Variants in ADCY8 observed in about 807,000 individuals in gnomAD.
The protein encoded by ADCY8 is adenylate cyclase 8.
In ADCY8, 51 loss-of-function variants were observed where a neutral mutation model predicts 119.7. The observed-to-expected ratio is 0.43, with a 90% confidence interval of 0.34 to 0.54. ADCY8 has a LOEUF of 0.54. Ranked by LOEUF, ADCY8 falls within the 20% of genes least tolerant of loss-of-function variation. The probability of loss-of-function intolerance (pLI) is 0.03; values close to 1 mark genes in which losing one functional copy is unlikely to be tolerated. For synonymous variants in ADCY8, 665 were observed against 651.0 expected (o/e 1.02, Z -0.33); for missense variants, 1,383 against 1,598.8 (o/e 0.87, Z 2.30).
chr8:131,035,918 A>G (rs921737995), intron 1 of ADCY8, among the ~76,000 whole-genome samples: 1 of 152,200 alleles, frequency 6.6e-6, no homozygotes, highest in Non-Finnish European at 1.5e-5. Flanking sequence ...ATGATGAGCT[A>G]GCTACAATGA....
At chr8:130,841,398 T>C (rs1817137562) in intron 11 of ADCY8, among the ~76,000 whole-genome samples, 2 of 152,186 alleles carry the variant, frequency 1.3e-5, no homozygotes, top group Admixed American at 1.3e-4. Flanking sequence ...TCAATGTCTG[T>C]ACTGAAAAAA....
intron 14 of ADCY8, among the ~76,000 whole-genome samples, chr8:130,810,077 T>C (rs966037142): frequency 6.6e-6 from 1 of 152,194 alleles, no homozygotes; most frequent in East Asian, 1.9e-4. Flanking sequence ...CACTGCCACC[T>C]CAGGGATACA....
chr8:130,916,762 C>T (rs899355354), intron 5 of ADCY8, among the ~76,000 whole-genome samples: 1 of 152,234 alleles, frequency 6.6e-6, no homozygotes, highest in East Asian at 1.9e-4. Flanking sequence ...CCCATCCCTT[C>T]GTTTCCCTCA....
intron 13 of ADCY8, among the ~76,000 whole-genome samples, chr8:130,814,518 G>A (rs1225790913): frequency 6.6e-6 from 1 of 152,186 alleles, no homozygotes; most frequent in Non-Finnish European, 1.5e-5. Flanking sequence ...TGTCAGTGTT[G>A]TATGGTGTAT....
At chr8:130,881,325 T>C (rs971277701) in intron 8 of ADCY8, among the ~76,000 whole-genome samples, 3 of 152,184 alleles carry the variant, frequency 2.0e-5, no homozygotes, top group Non-Finnish European at 2.9e-5. Context: ...CGCCAATTAT[T>C]ATAGGCAAAC....
chr8:130,934,430 T>C (rs535589742), intron 5 of ADCY8, among the ~76,000 whole-genome samples: 11 of 152,132 alleles, frequency 7.2e-5, no homozygotes, highest in African/African-American at 2.7e-4. Flanking sequence ...GAGAACTCAC[T>C]CACTATCATG....
chr8:130,907,177 C>T (rs937102946), intron 6 of ADCY8, among the ~76,000 whole-genome samples: 1 of 152,044 alleles, frequency 6.6e-6, no homozygotes, highest in Non-Finnish European at 1.5e-5. Flanking sequence ...GCCAGCAGTT[C>T]CTACCAGGAA....
chr8:130,997,280 C>T (rs940488157), intron 1 of ADCY8, among the ~76,000 whole-genome samples: 5 of 151,702 alleles, frequency 3.3e-5, no homozygotes, highest in Non-Finnish European at 4.4e-5. Flanking sequence ...AAAATAAGTA[C>T]GTAAGTCTGC....
chr8:130,932,807 T>C (rs1820671575), intron 5 of ADCY8, among the ~76,000 whole-genome samples: 1 of 152,040 alleles, frequency 6.6e-6, no homozygotes, highest in Non-Finnish European at 1.5e-5. Flanking sequence ...TGGACGACCC[T>C]GGCCTTTCGT....
intron 6 of ADCY8, among the ~76,000 whole-genome samples, chr8:130,907,441 C>A (rs553914086): frequency 1.3e-5 from 2 of 152,304 alleles, no homozygotes; most frequent in Admixed American, 1.3e-4. Flanking sequence ...TGCACATTGA[C>A]AACATGCCAT....
intron 11 of ADCY8, among the ~76,000 whole-genome samples, chr8:130,845,553 T>C (rs1817269919): frequency 6.6e-6 from 1 of 152,256 alleles, no homozygotes; most frequent in Non-Finnish European, 1.5e-5. Flanking sequence ...TCTGGGCCAC[T>C]TACTCTCTCC....
intron 2 of ADCY8, among the ~76,000 whole-genome samples, chr8:130,970,378 C>G (rs559293946): frequency 2.6e-5 from 4 of 152,262 alleles, no homozygotes; most frequent in Admixed American, 1.3e-4. Flanking sequence ...GTGTAGGTTG[C>G]GTGCTTCTTA....
intron 9 of ADCY8, 99 bp from the exon 10 acceptor site, chr8:130,849,902 A>G: frequency 1.8e-6 from 2 of 1,142,658 alleles, no homozygotes; most frequent in Non-Finnish European, 2.5e-6. Context: ...TGCATCGGAT[A>G]CTTCTTTGAA....
chr8:130,990,693 C>G, intron 1 of ADCY8, 151 bp from the exon 2 acceptor site: 2 of 970,310 alleles, frequency 2.1e-6, no homozygotes, highest in Non-Finnish European at 2.9e-6. Context: ...GCCCTTCATT[C>G]AGATCTTGAG....
rs552069030 is a variant in ADCY8 at position 130,824,368 on chromosome 8, C to G, written c.2676-2948G>C. Among the ~76,000 whole-genome samples the G allele has an allele frequency of 2.6e-5, 4 of 152,230 alleles. No individual in the cohort carries two copies. In the South Asian group the frequency reaches 8.3e-4, roughly 32 times the overall value. On this transcript the variant is annotated intron_variant, in intron 12 of 17. Transcript: ENST00000286355. Reference sequence around the variant, plus strand: ...CCCATTCTAGAAAAAAAATCCAAGACTGAGTTGTTAAAAAATTTAACTTAA... The same window carrying G: ...CCCATTCTAGAAAAAAAATCCAAGAGTGAGTTGTTAAAAAATTTAACTTAA...
chr8:130,933,584 C>T (rs1159775698), intron 5 of ADCY8, among the ~76,000 whole-genome samples: 1 of 152,164 alleles, frequency 6.6e-6, no homozygotes, highest in Non-Finnish European at 1.5e-5. Context: ...CCTCATGTTA[C>T]TTAGATTAGA....
intron 5 of ADCY8, among the ~76,000 whole-genome samples, chr8:130,910,454 G>C (rs1257982355): frequency 6.6e-6 from 1 of 152,046 alleles, no homozygotes; most frequent in Non-Finnish European, 1.5e-5. Flanking sequence ...TGGGATCCCT[G>C]CCTCAGCCTT....
intron 17 of ADCY8, among the ~76,000 whole-genome samples, chr8:130,781,801 A>G (rs1815087570): frequency 6.6e-6 from 1 of 152,240 alleles, no homozygotes; most frequent in African/African-American, 2.4e-5. Context: ...TAGAAATGGT[A>G]GCATTTCACT....
Position 130,909,921 on chromosome 8 carries a change from T to C in ADCY8, c.1482-55A>G, listed in dbSNP as rs545477699. 4.6e-6 allele frequency: 7 copies of C among 1,529,792 alleles called. No homozygotes were observed. In the South Asian group the frequency reaches 7.1e-5, roughly 16 times the overall value. 94.8% of individuals were successfully genotyped at this position (1,529,792 alleles called of 1,614,324 possible). A position where few individuals can be genotyped will look rare whatever the true frequency, so the allele number is the denominator to read the frequency against. On this transcript the variant is annotated intron_variant, in intron 5 of 17. Coordinates refer to ENST00000286355, the MANE Select transcript of ADCY8 (RefSeq NM_001115.3). Reference sequence around the variant, plus strand: ...TGTATAAGACCAGAGTGGGCATCGTTGGCTCTGCACTTTCTTTTCTTTTTT... The same window carrying C: ...TGTATAAGACCAGAGTGGGCATCGTCGGCTCTGCACTTTCTTTTCTTTTTT...
Sources: allele counts gnomAD v4.1 joint callset (sites outside exome capture counted in the v4.1 genomes callset), GRCh38; gene constraint gnomAD v4.1.1; transcripts MANE v1.5; gene names NCBI Gene and HGNC (gene_info 2026-07-23, HGNC 2026-07-21).